Variants in NEGR1 observed in about 807,000 individuals in gnomAD.
The protein encoded by NEGR1 is IgLON family member 4.
NEGR1 carries 10 observed loss-of-function variants against 40.9 expected under a neutral mutation model. The ratio of observed to expected loss-of-function variants is 0.24; its 90% CI spans 0.15 to 0.42. The LOEUF (loss-of-function observed/expected upper bound fraction) is 0.42. Among genes scored for constraint, NEGR1 ranks in the 10% least tolerant of loss-of-function variants. The pLI, the probability that NEGR1 is intolerant of heterozygous loss-of-function variation, is 1.00. For missense variants in NEGR1, 352 were observed against 438.9 expected (o/e 0.80, Z 1.77); for synonymous variants, 185 against 166.8 (o/e 1.11, Z -0.84).
At chr1:72,043,568 A>T (rs922826807) in intron 1 of NEGR1, among the ~76,000 whole-genome samples, 1 of 151,972 alleles carries the variant, frequency 6.6e-6, no homozygotes, top group Admixed American at 6.6e-5. Flanking sequence ...ATCACATTGG[A>T]TTAAAAGTAA....
intron 1 of NEGR1, among the ~76,000 whole-genome samples, chr1:72,279,359 CAG>C (rs1189401963): frequency 2.0e-5 from 3 of 152,166 alleles, no homozygotes; most frequent in Non-Finnish European, 4.4e-5. Context: ...CCACAAGCAA[CAG>C]AGTCACTGAC....
At chr1:72,206,410 T>C (rs1450283227) in intron 1 of NEGR1, among the ~76,000 whole-genome samples, 1 of 152,134 alleles carries the variant, frequency 6.6e-6, no homozygotes, top group African/African-American at 2.4e-5. Flanking sequence ...TCATTGTAAG[T>C]ATTCAGTGAT....
chr1:71,808,632 C>G (rs975961866), intron 2 of NEGR1, among the ~76,000 whole-genome samples: 1 of 152,058 alleles, frequency 6.6e-6, no homozygotes, highest in African/African-American at 2.4e-5. Context: ...TTCACCTGCT[C>G]TGCAATCCAA....
At chr1:72,023,420 C>A (rs1385293268) in intron 1 of NEGR1, among the ~76,000 whole-genome samples, 2 of 151,732 alleles carry the variant, frequency 1.3e-5, no homozygotes, top group Non-Finnish European at 2.9e-5. Flanking sequence ...TGGATGAATC[C>A]TAAAAGCTGA....
chr1:71,793,671 T>C (rs1389497710), intron 2 of NEGR1, among the ~76,000 whole-genome samples: 1 of 152,116 alleles, frequency 6.6e-6, no homozygotes, highest in Non-Finnish European at 1.5e-5. Flanking sequence ...ATTGCAACAT[T>C]GGATTCATCA....
intron 6 of NEGR1, among the ~76,000 whole-genome samples, chr1:71,433,330 T>C (rs1646481497): frequency 6.6e-6 from 1 of 152,254 alleles, no homozygotes; most frequent in African/African-American, 2.4e-5. Flanking sequence ...TCTCACATAG[T>C]TACCCATTAG....
At chr1:71,519,630 G>A (rs1302751746) in intron 6 of NEGR1, among the ~76,000 whole-genome samples, 37 of 125,712 alleles carry the variant, frequency 2.9e-4, no homozygotes, top group African/African-American at 1.0e-3. Flanking sequence ...CCTAATGCTA[G>A]ATGACACGTT....
intron 1 of NEGR1, among the ~76,000 whole-genome samples, chr1:71,944,631 C>G (rs979574929): frequency 6.6e-6 from 1 of 152,118 alleles, no homozygotes; most frequent in Non-Finnish European, 1.5e-5. Flanking sequence ...AAATAATAAA[C>G]TTATGCTACT....
Position 71,528,523 on chromosome 1 carries a change from C to T in NEGR1, c.940+64294G>A, listed in dbSNP as rs540478177. Among the ~76,000 whole-genome samples the T allele has an allele frequency of 6.6e-5, 10 of 151,334 alleles. No individual in the cohort carries two copies. The South Asian group carries it at 1.9e-3, about 28-fold the overall frequency. On this transcript the variant is annotated intron_variant, in intron 6 of 6. Transcript: ENST00000357731. Reference sequence around the variant, plus strand: ...CTTCCTGGGGTAAGTTAAACAAAGACATTTTCCTTTTTAACAAAATACAGT... The same window carrying T: ...CTTCCTGGGGTAAGTTAAACAAAGATATTTTCCTTTTTAACAAAATACAGT...
intron 6 of NEGR1, among the ~76,000 whole-genome samples, chr1:71,525,001 GGGAGA>G (rs1245042513): frequency 7.2e-5 from 11 of 151,830 alleles, no homozygotes; most frequent in Non-Finnish European, 1.6e-4. Flanking sequence ...ATTTTAGTCA[GGGAGA>G]CCCATTTTGG....
chr1:72,028,382 T>C (rs1024535586), intron 1 of NEGR1, among the ~76,000 whole-genome samples: 2 of 152,228 alleles, frequency 1.3e-5, no homozygotes, highest in African/African-American at 4.8e-5. Context: ...ACAAAACATC[T>C]ATTTTTAGAT....
At chr1:71,503,636 T>C (rs754833181) in intron 6 of NEGR1, among the ~76,000 whole-genome samples, 3 of 152,126 alleles carry the variant, frequency 2.0e-5, no homozygotes, top group Non-Finnish European at 4.4e-5. Context: ...GAAGTTCCCA[T>C]AGACAGGGAG....
Position 71,830,943 on chromosome 1 carries a change from GA to G in NEGR1, c.410-54647del, listed in dbSNP as rs368927272. Among the ~76,000 whole-genome samples the G allele has an allele frequency of 8.0e-4, 119 of 147,946 alleles. No individual in the cohort carries two copies. In the Middle Eastern group the frequency reaches 0.01, roughly 13 times the overall value. On this transcript the variant is annotated intron_variant, in intron 2 of 6. Coordinates refer to ENST00000357731, the MANE Select transcript of NEGR1 (RefSeq NM_173808.3). ...TTTTAAGATCACACCATAGTTGTGG[GA>G]AAAAAAAAATGTGTACCATTTGGAG...
chr1:72,027,384 A>G (rs1169423475), intron 1 of NEGR1, among the ~76,000 whole-genome samples: 1 of 152,114 alleles, frequency 6.6e-6, no homozygotes, highest in Non-Finnish European at 1.5e-5. Context: ...CTTACTTACA[A>G]AGGATTTAGC....
At chr1:71,755,126 T>C (rs1364834009) in intron 3 of NEGR1, among the ~76,000 whole-genome samples, 1 of 152,168 alleles carries the variant, frequency 6.6e-6, no homozygotes, top group Non-Finnish European at 1.5e-5. Flanking sequence ...AATATCCTTC[T>C]CCTCTCCTCT....
intron 1 of NEGR1, among the ~76,000 whole-genome samples, chr1:72,149,293 C>A (rs992600339): frequency 6.6e-6 from 1 of 152,106 alleles, no homozygotes; most frequent in Non-Finnish European, 1.5e-5. Flanking sequence ...CATGATTCAA[C>A]TACCTCCCCC....
At chr1:71,500,024 T>C (rs1187689200) in intron 6 of NEGR1, among the ~76,000 whole-genome samples, 1 of 152,102 alleles carries the variant, frequency 6.6e-6, no homozygotes, top group East Asian at 1.9e-4. Context: ...AAAAGGCTTA[T>C]TTAATGGAGG....
At chr1:71,996,390 A>G (rs959333414) in intron 1 of NEGR1, among the ~76,000 whole-genome samples, 2 of 152,088 alleles carry the variant, frequency 1.3e-5, no homozygotes, top group Admixed American at 6.6e-5. Flanking sequence ...CTGCCTATTC[A>G]TTTGTGCCTA....
chr1:71,729,040 C>G (rs898537130), intron 3 of NEGR1, among the ~76,000 whole-genome samples: 1 of 152,096 alleles, frequency 6.6e-6, no homozygotes, highest in Non-Finnish European at 1.5e-5. Context: ...TTTTTGTGAT[C>G]TGGCCAGTTC....
Sources: allele counts gnomAD v4.1 joint callset (sites outside exome capture counted in the v4.1 genomes callset), GRCh38; gene constraint gnomAD v4.1.1; transcripts MANE v1.5; gene names NCBI Gene and HGNC (gene_info 2026-07-23, HGNC 2026-07-21).